The following SHC4 variants were observed in gnomAD, a reference collection of about 807,000 sequenced individuals.
SHC4 encodes SHC-transforming protein 4.
SHC4 carries 41 observed loss-of-function variants against 69.4 expected under a neutral mutation model. The ratio of observed to expected loss-of-function variants is 0.59; its 90% CI spans 0.46 to 0.77. The LOEUF is 0.77. Among genes scored for constraint, SHC4 ranks in the 30% least tolerant of loss-of-function variants. The pLI is 0.00. For missense variants in SHC4, 777 were observed against 783.8 expected (o/e 0.99, Z 0.10); for synonymous variants, 318 against 299.3 (o/e 1.06, Z -0.64).
intron 1 of SHC4, among the ~76,000 whole-genome samples, chr15:48,936,027 T>C (rs992417140): frequency 2.5e-4 from 38 of 152,158 alleles, no homozygotes; most frequent in African/African-American, 8.7e-4. Context: ...GCTGAAATTA[T>C]TATGTATTTG....
intron 9 of SHC4, among the ~76,000 whole-genome samples, chr15:48,845,483 A>C (rs1428327604): frequency 6.6e-6 from 1 of 152,192 alleles, no homozygotes; most frequent in Non-Finnish European, 1.5e-5. Context: ...CCATTTGCTT[A>C]GTTAAGTGGA....
intron 4 of SHC4, among the ~76,000 whole-genome samples, chr15:48,874,734 T>A (rs1014175949): frequency 6.6e-6 from 1 of 152,194 alleles, no homozygotes; most frequent in Non-Finnish European, 1.5e-5. Flanking sequence ...TGCAGACTCA[T>A]ATCAAAACCC....
chr15:48,890,658 G>T, intron 3 of SHC4, 90 bp downstream of exon 3: 1 of 1,452,782 alleles, frequency 6.9e-7, no homozygotes, highest in Non-Finnish European at 9.7e-7. Context: ...CTGGACCTTG[G>T]TCATATGGTG....
intron 4 of SHC4, chr15:48,878,136 C>A (rs749132852): frequency 1.3e-6 from 2 of 1,517,408 alleles, no homozygotes; most frequent in African/African-American, 2.8e-5. Flanking sequence ...CAGCATCTGT[C>A]TTGCTGGAAG....
intron 1 of SHC4, among the ~76,000 whole-genome samples, chr15:48,958,018 C>T (rs1901482622): frequency 2.0e-5 from 3 of 152,190 alleles, no homozygotes; most frequent in South Asian, 2.1e-4. Flanking sequence ...TTAGAGACAG[C>T]GTGACTTGGC....
chr15:48,878,415 A>G (rs1466295535), intron 4 of SHC4: 2 of 1,612,056 alleles, frequency 1.2e-6, no homozygotes, highest in Non-Finnish European at 1.7e-6. Context: ...AACGGGCCCA[A>G]CGCTGGGGAG....
At chr15:48,950,162 TTTA>T (rs1901344139) in intron 1 of SHC4, among the ~76,000 whole-genome samples, 1 of 145,188 alleles carries the variant, frequency 6.9e-6, no homozygotes, top group Non-Finnish European at 1.5e-5. Flanking sequence ...TATATATTAT[TTTA>T]TATTATATAA....
At chr15:48,848,909 G>A (rs1265551379) in intron 9 of SHC4, among the ~76,000 whole-genome samples, 3 of 151,990 alleles carry the variant, frequency 2.0e-5, no homozygotes, top group Non-Finnish European at 4.4e-5. Context: ...TCTAGTGGTA[G>A]TATTGTGATT....
chr15:48,888,344 A>G (rs567118516), intron 3 of SHC4, among the ~76,000 whole-genome samples: 6 of 152,308 alleles, frequency 3.9e-5, no homozygotes, highest in African/African-American at 1.4e-4. Context: ...CATTATGCTA[A>G]GTGAATTAAG....
intron 4 of SHC4, among the ~76,000 whole-genome samples, chr15:48,873,765 A>T (rs1460241792): frequency 6.6e-6 from 1 of 152,144 alleles, no homozygotes; most frequent in East Asian, 1.9e-4. Flanking sequence ...AAAAATAGCC[A>T]ATTAGACACT....
At position 48,915,846 on chromosome 15, in the gene SHC4, C is replaced by G. The variant is rs1900609826; in HGVS notation, c.656+9033G>C. ...ACTCCTGATTTTTTTCTCCTTAGCA[C>G]TCTTCTCAGTAAATTTTTTCACTGG... is the stretch of plus-strand genomic sequence containing the variant. On this transcript the variant is annotated intron_variant, in intron 2 of 11. Transcript: ENST00000332408. Among the ~76,000 whole-genome samples the G allele has an allele frequency of 4.6e-5, 7 of 152,244 alleles. No homozygotes were observed. In the South Asian group the frequency reaches 1.5e-3, roughly 32 times the overall value.
chr15:48,950,152 T>C (rs1595768017), intron 1 of SHC4, among the ~76,000 whole-genome samples: 1 of 145,084 alleles, frequency 6.9e-6, no homozygotes, highest in African/African-American at 2.5e-5. Context: ...TATATAATTG[T>C]ATATATTATT....
chr15:48,934,225 T>C (rs1260179633), intron 1 of SHC4, among the ~76,000 whole-genome samples: 1 of 152,120 alleles, frequency 6.6e-6, no homozygotes, highest in Non-Finnish European at 1.5e-5. Context: ...TAAAAAACTC[T>C]TACAACCCAA....
intron 8 of SHC4, among the ~76,000 whole-genome samples, chr15:48,852,770 C>T (rs1170131994): frequency 1.3e-5 from 2 of 151,954 alleles, no homozygotes; most frequent in Non-Finnish European, 2.9e-5. Context: ...GGCATGGTGG[C>T]ATGCACCTGT....
intron 1 of SHC4, among the ~76,000 whole-genome samples, chr15:48,942,055 T>A (rs566855499): frequency 6.6e-6 from 1 of 152,282 alleles, no homozygotes; most frequent in South Asian, 2.1e-4. Flanking sequence ...TAAATGGCAA[T>A]GCTATGAAGA....
intron 9 of SHC4, among the ~76,000 whole-genome samples, chr15:48,844,834 C>A (rs1161886955): frequency 6.6e-6 from 1 of 152,094 alleles, no homozygotes; most frequent in African/African-American, 2.4e-5. Context: ...GTAAGATGTG[C>A]CTTTGCTTCT....
chr15:48,852,558 A>G (rs1899234601), intron 8 of SHC4, among the ~76,000 whole-genome samples: 2 of 152,292 alleles, frequency 1.3e-5, no homozygotes, highest in Non-Finnish European at 2.9e-5. Context: ...ATGCAGAAAG[A>G]GAATGAAAAG....
chr15:48,905,914 C>T (rs1900397949), intron 2 of SHC4, among the ~76,000 whole-genome samples: 1 of 152,086 alleles, frequency 6.6e-6, no homozygotes, highest in Non-Finnish European at 1.5e-5. Context: ...ATTAGCAGGC[C>T]CTGCTTTTAG....
chr15:48,878,819 G>C (rs1335366716), intron 4 of SHC4: 14 of 1,388,476 alleles, frequency 1.0e-5, no homozygotes, highest in Non-Finnish European at 1.4e-5. Context: ...ATTCCAAATA[G>C]TTTTGTGCCA....
Sources: gnomAD v4.1 joint callset for allele counts (sites outside exome capture counted in the v4.1 genomes callset) on GRCh38, gnomAD v4.1.1 for gene constraint, MANE v1.5 for transcripts, NCBI Gene and HGNC (gene_info 2026-07-23, HGNC 2026-07-21) for gene names.